Variants in MARCHF1 observed in about 807,000 individuals in gnomAD.
The protein encoded by MARCHF1 is E3 ubiquitin-protein ligase MARCHF1.
In MARCHF1, 40 loss-of-function variants were observed where a neutral mutation model predicts 54.2. That is an observed-to-expected ratio of 0.74 (90% CI 0.57 to 0.96). The LOEUF is 0.96. Ranked by LOEUF, MARCHF1 falls within the 40% of genes least tolerant of loss-of-function variation. MARCHF1 has a pLI of 0.00. For missense variants in MARCHF1, 586 were observed against 656.5 expected, an observed-to-expected ratio of 0.89 and a Z score of 1.17; for synonymous variants, 236 against 236.3, an observed-to-expected ratio of 1.00 and a Z score of 0.01.
rs1032205240 is a variant in MARCHF1 at position 164,205,319 on chromosome 4, T to G, written c.-322-93657A>C. On this transcript the variant is annotated intron_variant, in intron 1 of 9. Coordinates refer to ENST00000514618, the MANE Select transcript of MARCHF1 (RefSeq NM_001394959.1). ...CTTTACTTATTTTATTTGCTGTTTATAAAACATAATAGTATAGGCACTATT... is the reference window on the plus strand; with the variant it reads ...CTTTACTTATTTTATTTGCTGTTTAGAAAACATAATAGTATAGGCACTATT... 4.6e-5 allele frequency among the ~76,000 whole-genome samples: 7 copies of G among 152,334 alleles called. No homozygotes were observed. The South Asian group carries it at 1.0e-3, about 23-fold the overall frequency.
intron 8 of MARCHF1, among the ~76,000 whole-genome samples, chr4:163,563,869 G>A (rs1238673209): frequency 2.6e-5 from 4 of 152,100 alleles, no homozygotes; most frequent in African/African-American, 4.8e-5. Context: ...TGCGTTTATC[G>A]AATTTACTTA....
At chr4:164,035,040 T>C (rs946956788) in intron 2 of MARCHF1, among the ~76,000 whole-genome samples, 1 of 152,138 alleles carries the variant, frequency 6.6e-6, no homozygotes, top group Non-Finnish European at 1.5e-5. Flanking sequence ...AAAGGAGATA[T>C]CAAAGAGAAA....
intron 4 of MARCHF1, among the ~76,000 whole-genome samples, chr4:163,782,176 T>C (rs1216751834): frequency 6.8e-6 from 1 of 147,806 alleles, no homozygotes; most frequent in Non-Finnish European, 1.5e-5. Flanking sequence ...GCTTTAGTAT[T>C]ATACCCATCC....
intron 1 of MARCHF1, among the ~76,000 whole-genome samples, chr4:164,241,936 G>T (rs182160820): frequency 1.1e-3 from 170 of 152,312 alleles, no homozygotes; most frequent in African/African-American, 3.8e-3. Flanking sequence ...AAAAAACGGT[G>T]CACCACGAGA....
At chr4:163,546,344 T>C (rs1323611464) in intron 8 of MARCHF1, among the ~76,000 whole-genome samples, 1 of 152,154 alleles carries the variant, frequency 6.6e-6, no homozygotes, top group Admixed American at 6.6e-5. Flanking sequence ...TTAAATCAAG[T>C]CATTTCTGTT....
chr4:164,247,919 A>T (rs545679958), intron 1 of MARCHF1, among the ~76,000 whole-genome samples: 123 of 151,282 alleles, frequency 8.1e-4, no homozygotes, highest in Non-Finnish European at 1.4e-3. Context: ...GTCAAGTTGC[A>T]TTGCTTAAGA....
At chr4:164,048,145 T>A (rs1451813863) in intron 2 of MARCHF1, among the ~76,000 whole-genome samples, 1 of 152,188 alleles carries the variant, frequency 6.6e-6, no homozygotes, top group Non-Finnish European at 1.5e-5. Context: ...GATATGATAT[T>A]CCCTTATCAT....
chr4:163,593,738 C>T (rs1740667382), intron 7 of MARCHF1, among the ~76,000 whole-genome samples: 1 of 152,128 alleles, frequency 6.6e-6, no homozygotes, highest in African/African-American at 2.4e-5. Context: ...TTACAGATAA[C>T]CAAAAATGCA....
chr4:164,243,519 A>G (rs2111219153), intron 1 of MARCHF1, among the ~76,000 whole-genome samples: 1 of 152,290 alleles, frequency 6.6e-6, no homozygotes, highest in South Asian at 2.1e-4. Flanking sequence ...AAATGTAAAG[A>G]CCATCGAGAC....
In MARCHF1 at chr4:164,284,180, T is replaced by A. The variant is rs1022056377; in HGVS notation, c.-323+99690A>T. 1.7e-4 allele frequency among the ~76,000 whole-genome samples: 26 copies of A among 151,180 alleles called. 1 individual carries two copies. Among genetic ancestry groups the A allele is most frequent in the Admixed American group, 1.2e-3 (18 of 14,894 alleles). On this transcript the variant is annotated intron_variant, in intron 1 of 9. Coordinates refer to ENST00000514618, the MANE Select transcript of MARCHF1 (RefSeq NM_001394959.1). The stretch of plus-strand genomic sequence containing the variant: ...TGGGTAGGGAGAAAATACATATTTT[T>A]AGTTTGAATGTGATACTGGATTGTT...
intron 2 of MARCHF1, among the ~76,000 whole-genome samples, chr4:164,013,391 C>T (rs1420358474): frequency 6.6e-6 from 1 of 151,656 alleles, no homozygotes; most frequent in African/African-American, 2.4e-5. Flanking sequence ...ATAAAGAATG[C>T]CTAAAAAAAT....
chr4:164,179,712 C>T (rs936045072), intron 1 of MARCHF1, among the ~76,000 whole-genome samples: 6 of 151,752 alleles, frequency 4.0e-5, no homozygotes, highest in Non-Finnish European at 7.4e-5. Context: ...TTATAAGATA[C>T]CATTAATATG....
intron 1 of MARCHF1, among the ~76,000 whole-genome samples, chr4:164,267,717 T>C (rs1179629469): frequency 6.6e-6 from 1 of 152,128 alleles, no homozygotes; most frequent in Non-Finnish European, 1.5e-5. Flanking sequence ...GATTTTGAGA[T>C]TCTCACATAA....
chr4:164,171,876 CTTTCA>C (rs1335793270), intron 1 of MARCHF1, among the ~76,000 whole-genome samples: 5 of 152,144 alleles, frequency 3.3e-5, no homozygotes, highest in African/African-American at 9.7e-5. Flanking sequence ...TCCAATATTT[CTTTCA>C]TTTTTCAATT....
At chr4:163,737,488 C>G in intron 4 of MARCHF1, among the ~76,000 whole-genome samples, 1 of 84,570 alleles carries the variant, frequency 1.2e-5, no homozygotes, top group Admixed American at 1.2e-4. Flanking sequence ...GTTCTTGCGA[C>G]AGTTTACTGA....
chr4:164,225,039 C>G (rs954455913), intron 1 of MARCHF1, among the ~76,000 whole-genome samples: 6 of 152,116 alleles, frequency 3.9e-5, no homozygotes, highest in African/African-American at 1.2e-4. Flanking sequence ...TCCCTAATCC[C>G]CCTAACAGAT....
At chr4:164,194,500 A>G (rs1017745889) in intron 1 of MARCHF1, among the ~76,000 whole-genome samples, 2 of 151,952 alleles carry the variant, frequency 1.3e-5, no homozygotes, top group South Asian at 2.1e-4. Flanking sequence ...TCAAAAACCT[A>G]TTTTCATTTT....
At chr4:164,147,245 C>G (rs1455868508) in intron 1 of MARCHF1, among the ~76,000 whole-genome samples, 1 of 148,350 alleles carries the variant, frequency 6.7e-6, no homozygotes, top group Non-Finnish European at 1.5e-5. Flanking sequence ...CTAGTTCAAC[C>G]ATTGTGGAAG....
chr4:163,885,841 G>A (rs1750518405), intron 3 of MARCHF1, among the ~76,000 whole-genome samples: 1 of 151,364 alleles, frequency 6.6e-6, no homozygotes, highest in African/African-American at 2.4e-5. Context: ...GGAGGCCAAG[G>A]CAGGAGTATT....
Sources: allele counts gnomAD v4.1 joint callset (sites outside exome capture counted in the v4.1 genomes callset), GRCh38; gene constraint gnomAD v4.1.1; transcripts MANE v1.5; gene names NCBI Gene and HGNC (gene_info 2026-07-23, HGNC 2026-07-21).